The following RPS6KA2 variants were observed in gnomAD, a reference collection of about 807,000 sequenced individuals.
RPS6KA2 encodes the protein ribosomal protein S6 kinase A2.
RPS6KA2 carries 42 observed loss-of-function variants against 91.8 expected under a neutral mutation model. The ratio of observed to expected loss-of-function variants is 0.46; its 90% CI spans 0.36 to 0.59. The LOEUF is 0.59. Among genes scored for constraint, RPS6KA2 ranks in the 20% least tolerant of loss-of-function variants. The pLI, the probability that RPS6KA2 is intolerant of heterozygous loss-of-function variation, is 0.00. For synonymous variants in RPS6KA2, 414 were observed against 393.6 expected (o/e 1.05, Z -0.61); for missense variants, 798 against 978.5 (o/e 0.82, Z 2.46).
intron 19 of RPS6KA2, among the ~76,000 whole-genome samples, chr6:166,416,001 TCCA>T: frequency 8.4e-6 from 1 of 119,296 alleles, no homozygotes; most frequent in Admixed American, 8.6e-5. Flanking sequence ...ACCATCCTCC[TCCA>T]TCACCCCCAC....
chr6:166,465,800 G>A (rs931234366), intron 11 of RPS6KA2, among the ~76,000 whole-genome samples: 11 of 152,192 alleles, frequency 7.2e-5, no homozygotes, highest in Admixed American at 2.6e-4. Flanking sequence ...GCTGGAGGAC[G>A]GGGCTCTGCG....
chr6:166,675,562 G>A (rs1583008702), intron 2 of RPS6KA2, among the ~76,000 whole-genome samples: 1 of 152,058 alleles, frequency 6.6e-6, no homozygotes, highest in East Asian at 1.9e-4. Context: ...GCCCTGCTGG[G>A]TGGTCCCCTC....
Position 166,612,826 on chromosome 6 carries a change from G to A in RPS6KA2, c.99+14095C>T, listed in dbSNP as rs921983793. On this transcript the variant is annotated intron_variant, in intron 1 of 20. Coordinates refer to ENST00000265678, the MANE Select transcript of RPS6KA2 (RefSeq NM_021135.6). The surrounding 1 kb of genome is among the most constrained non-coding windows in gnomAD (Gnocchi z 4.3). ...CTCTCTCTCTCCATGCCCTTGACCT[G>A]TCCTCCTCCCTCTGGCCCTGCGCAC... Among the ~76,000 whole-genome samples the A allele has an allele frequency of 3.3e-5, 5 of 152,116 alleles. No homozygotes were observed.
At chr6:166,553,496 A>T (rs1391220151) in intron 1 of RPS6KA2, among the ~76,000 whole-genome samples, 6 of 148,668 alleles carry the variant, frequency 4.0e-5, no homozygotes, top group Non-Finnish European at 8.9e-5. Context: ...AATGCTTGGG[A>T]AAGAAACAGG....
At position 166,479,645 on chromosome 6, in the gene RPS6KA2, A is replaced by C. The variant is rs150827152; in HGVS notation, c.907+9188T>G. On this transcript the variant is annotated intron_variant, in intron 10 of 20. Transcript: ENST00000265678. ...CTCTGGCATCAAATGTTTCTCCCTAAAACAACTTTTTAAAAACTGGGTTTT... is the reference window on the plus strand; with the variant it reads ...CTCTGGCATCAAATGTTTCTCCCTACAACAACTTTTTAAAAACTGGGTTTT... 7.8e-3 allele frequency among the ~76,000 whole-genome samples: 1,183 copies of C among 152,346 alleles called. 12 individuals carry two copies. Among genetic ancestry groups the C allele is most frequent in the African/African-American group, 0.027 (1,133 of 41,578 alleles).
rs527599644 is a variant in RPS6KA2 at position 166,533,308 on chromosome 6, C to T, written c.217-1995G>A. ...ATGAGTGGTGCTGTGGAGATCAGGA[C>T]CAGCCAGGACAGTGCAGGGAGGAGG... On this transcript the variant is annotated intron_variant, in intron 2 of 20. Transcript: ENST00000265678. The surrounding 1 kb of genome is among the most constrained non-coding windows in gnomAD (Gnocchi z 4.0). 2.6e-5 allele frequency among the ~76,000 whole-genome samples: 4 copies of T among 152,172 alleles called. No individual in the cohort carries two copies. Among genetic ancestry groups the T allele is most frequent in the Non-Finnish European group, 5.9e-5 (4 of 68,030 alleles).
intron 2 of RPS6KA2, among the ~76,000 whole-genome samples, chr6:166,688,230 T>C (rs1789085079): frequency 1.3e-5 from 2 of 151,992 alleles, no homozygotes; most frequent in Admixed American, 6.5e-5. Flanking sequence ...GCCTCCGAGG[T>C]CTCTGGGTGT....
In RPS6KA2 at chr6:166,721,586, C is replaced by T. The variant is rs559911257; in HGVS notation, c.123+136614G>A. On this transcript the variant is annotated intron_variant, in intron 2 of 21. Coordinates refer to the RPS6KA2 transcript ENST00000503859. ...AAAATCACAGATGAACATGCTAGAGCTTCGTAAAGCTAGGCAGCTTTCCGG... is the reference window on the plus strand; with the variant it reads ...AAAATCACAGATGAACATGCTAGAGTTTCGTAAAGCTAGGCAGCTTTCCGG... Among the ~76,000 whole-genome samples the T allele has an allele frequency of 5.3e-5, 8 of 152,366 alleles. No individual in the cohort carries two copies. The South Asian group carries it at 1.7e-3, about 32-fold the overall frequency.
At chr6:166,828,553 T>C (rs1000354506) in intron 2 of RPS6KA2, among the ~76,000 whole-genome samples, 1 of 152,246 alleles carries the variant, frequency 6.6e-6, no homozygotes, top group African/African-American at 2.4e-5. Context: ...GCTTGAGATA[T>C]AAATGTATTC....
chr6:166,619,757 A>G (rs1459209587), intron 1 of RPS6KA2, among the ~76,000 whole-genome samples: 2 of 152,228 alleles, frequency 1.3e-5, no homozygotes, highest in African/African-American at 2.4e-5. Context: ...CCTCAGAAAG[A>G]TTGTCCACAT....
intron 1 of RPS6KA2, chr6:166,586,137 G>A: frequency 6.6e-7 from 1 of 1,516,232 alleles, no homozygotes; most frequent in Non-Finnish European, 8.8e-7. Flanking sequence ...GTAACCGTAA[G>A]GAGGCCGCTG....
chr6:166,532,730 T>A (rs1783328209), intron 2 of RPS6KA2, among the ~76,000 whole-genome samples: 1 of 152,128 alleles, frequency 6.6e-6, no homozygotes, highest in South Asian at 2.1e-4. Flanking sequence ...TCCCAAGAAG[T>A]CACAGGCAAT....
At chr6:166,486,195 G>T (rs535756765) in intron 10 of RPS6KA2, among the ~76,000 whole-genome samples, 1 of 152,172 alleles carries the variant, frequency 6.6e-6, no homozygotes, top group Non-Finnish European at 1.5e-5. Flanking sequence ...TAACAACAAC[G>T]TGGCAAAAAT....
intron 2 of RPS6KA2, among the ~76,000 whole-genome samples, chr6:166,677,431 G>A (rs984440638): frequency 4.7e-5 from 7 of 150,288 alleles, no homozygotes; most frequent in East Asian, 1.9e-4. Context: ...GCATGATGTC[G>A]GCTCACTGCA....
Position 166,783,881 on chromosome 6 carries a change from C to G in RPS6KA2, c.123+74319G>C, listed in dbSNP as rs1778852065. 4.9e-5 allele frequency among the ~76,000 whole-genome samples: 5 copies of G among 101,536 alleles called. 1 individual carries two copies. The highest frequency in any genetic ancestry group is 1.0e-4 in the Non-Finnish European group (5 of 49,380). 66.6% of individuals were successfully genotyped at this position (101,536 alleles called of 152,430 possible). ...TGCACACGTGCACACCTACGCATCA[C>G]CACATATGCACACGTGCACACCTAC... On this transcript the variant is annotated intron_variant, in intron 2 of 21. Transcript: ENST00000503859.
At chr6:166,576,386 G>A (rs1037450432) in intron 1 of RPS6KA2, among the ~76,000 whole-genome samples, 3 of 152,176 alleles carry the variant, frequency 2.0e-5, no homozygotes, top group African/African-American at 7.2e-5. Context: ...AGGAAAACGT[G>A]GGAAAGTTTG....
In RPS6KA2 at chr6:166,423,135, A is replaced by G; in HGVS notation, c.1743+121T>C. 1.0e-6 allele frequency: 1 copy of G among 982,592 alleles called. No homozygotes were observed. The highest frequency in any genetic ancestry group is 3.3e-4 in the Middle Eastern group (1 of 3,048). 60.9% of individuals were successfully genotyped at this position (982,592 alleles called of 1,614,324 possible). ...GTTCTCGTTTCTGTTTCCCAACACC[A>G]CTGCTGACGCAGCTCAAGCCGCCTC... On this transcript the variant is annotated intron_variant, in intron 17 of 20. Coordinates refer to ENST00000265678, the MANE Select transcript of RPS6KA2 (RefSeq NM_021135.6). The surrounding 1 kb of genome is among the most constrained non-coding windows in gnomAD (Gnocchi z 4.8).
intron 1 of RPS6KA2, among the ~76,000 whole-genome samples, chr6:166,623,538 A>G (rs1380018429): frequency 6.6e-6 from 1 of 152,242 alleles, no homozygotes; most frequent in African/African-American, 2.4e-5. Context: ...AGACACTCAG[A>G]GGGTATCCTA....
intron 16 of RPS6KA2, among the ~76,000 whole-genome samples, chr6:166,430,202 T>C (rs1779073373): frequency 6.6e-6 from 1 of 151,824 alleles, no homozygotes; most frequent in Non-Finnish European, 1.5e-5. Flanking sequence ...ACTCCTGACC[T>C]CGTGATCTGC....
Sources: gnomAD v4.1 joint callset for allele counts (sites outside exome capture counted in the v4.1 genomes callset) on GRCh38, gnomAD v4.1.1 for gene constraint, Gnocchi (gnomAD v3.1) non-coding constraint, MANE v1.5 for transcripts, NCBI Gene and HGNC (gene_info 2026-07-23, HGNC 2026-07-21) for gene names.